The following ADGRG6 variants were observed in gnomAD, a reference collection of about 807,000 sequenced individuals.
The protein encoded by ADGRG6 is adhesion G protein-coupled receptor G6.
A neutral mutation model predicts 142.4 loss-of-function variants in ADGRG6; 84 were observed. The ratio of observed to expected loss-of-function variants is 0.59; its 90% CI spans 0.49 to 0.71. The LOEUF is 0.71. Among genes scored for constraint, ADGRG6 ranks in the 30% least tolerant of loss-of-function variants. The pLI is 0.00. For synonymous variants in ADGRG6, 521 were observed against 520.5 expected (o/e 1.00, Z -0.01); for missense variants, 1,367 against 1,466.6 (o/e 0.93, Z 1.11).
At chr6:142,369,542 A>G (rs1583047456) in intron 3 of ADGRG6, among the ~76,000 whole-genome samples, 1 of 152,060 alleles carries the variant, frequency 6.6e-6, no homozygotes, top group Admixed American at 6.6e-5. Flanking sequence ...CTACTCAAAA[A>G]CTGGCTTATA....
chr6:142,390,968 GT>G (rs1251400924), intron 7 of ADGRG6, among the ~76,000 whole-genome samples: 3 of 151,288 alleles, frequency 2.0e-5, no homozygotes, highest in African/African-American at 2.4e-5. Context: ...AGAACTACAT[GT>G]TTTTTTTGTT....
At chr6:142,350,153 A>G (rs966157593) in intron 2 of ADGRG6, among the ~76,000 whole-genome samples, 1 of 152,232 alleles carries the variant, frequency 6.6e-6, no homozygotes, top group Non-Finnish European at 1.5e-5. Context: ...TAAAGTGGTT[A>G]TAAGAATTTA....
At chr6:142,326,117 G>T (rs1778765123) in intron 2 of ADGRG6, among the ~76,000 whole-genome samples, 1 of 151,934 alleles carries the variant, frequency 6.6e-6, no homozygotes, top group Non-Finnish European at 1.5e-5. Context: ...AAAACTAGTA[G>T]ATAGTATGCA....
chr6:142,334,046 A>G (rs1159267259), intron 2 of ADGRG6, among the ~76,000 whole-genome samples: 2 of 152,192 alleles, frequency 1.3e-5, no homozygotes, highest in Non-Finnish European at 2.9e-5. Context: ...CTGAAGGAAG[A>G]AAGTCGGTTT....
intron 22 of ADGRG6, among the ~76,000 whole-genome samples, chr6:142,423,485 T>A (rs963481461): frequency 1.3e-5 from 2 of 151,420 alleles, no homozygotes; most frequent in African/African-American, 4.8e-5. Flanking sequence ...GTTGTAGATA[T>A]GTGGCGTTAT....
At chr6:142,334,311 A>G (rs984688181) in intron 2 of ADGRG6, among the ~76,000 whole-genome samples, 1 of 152,224 alleles carries the variant, frequency 6.6e-6, no homozygotes, top group African/African-American at 2.4e-5. Flanking sequence ...AGAAGGAAAA[A>G]CAAAACTACT....
chr6:142,412,365 C>T (rs532885305), intron 18 of ADGRG6, among the ~76,000 whole-genome samples: 428 of 152,224 alleles, frequency 2.8e-3, no homozygotes, highest in South Asian at 0.026. Context: ...GAATCACAGA[C>T]GTCAGGTTTT....
intron 2 of ADGRG6, 21 bp from the exon 3 acceptor site, chr6:142,367,548 T>G: frequency 6.3e-7 from 1 of 1,598,690 alleles, no homozygotes; most frequent in Non-Finnish European, 8.6e-7. Context: ...TCTCTCTGTC[T>G]CTCTTTTGTC....
At chr6:142,399,480 G>A (rs1775389140) in intron 10 of ADGRG6, among the ~76,000 whole-genome samples, 1 of 152,160 alleles carries the variant, frequency 6.6e-6, no homozygotes. Context: ...TCACAAAGAA[G>A]GAGTCTGACA....
intron 2 of ADGRG6, among the ~76,000 whole-genome samples, chr6:142,344,267 G>A (rs144572968): frequency 1.3e-5 from 2 of 151,976 alleles, no homozygotes; most frequent in Admixed American, 6.6e-5. Context: ...AGAAAACAAT[G>A]TCTAACAATG....
chr6:142,389,823 C>T (rs1448706616), intron 6 of ADGRG6, among the ~76,000 whole-genome samples: 1 of 151,762 alleles, frequency 6.6e-6, no homozygotes, highest in Non-Finnish European at 1.5e-5. Flanking sequence ...TCTGCTTTTT[C>T]AAGTTAATTC....
chr6:142,340,826 T>C (rs1191955284), intron 2 of ADGRG6, among the ~76,000 whole-genome samples: 2 of 152,144 alleles, frequency 1.3e-5, no homozygotes, highest in African/African-American at 4.8e-5. Flanking sequence ...TGTATGTTTC[T>C]GACGTTAAGG....
rs1198991404 is a variant in ADGRG6, at chr6:142,359,438, CT to C, written c.104-8130del. ...CTAAATCTTAAGTTACTTGAACAGT[CT>C]ATGCTGTCTTGTACCTGCTGACCTC... On this transcript the variant is annotated intron_variant, in intron 2 of 24. Transcript: ENST00000367609. 2.6e-5 allele frequency among the ~76,000 whole-genome samples: 4 copies of C among 152,120 alleles called. No homozygotes were observed. In the East Asian group the frequency reaches 7.7e-4, roughly 29 times the overall value.
At chr6:142,430,632 A>G (rs190059205) in intron 22 of ADGRG6, among the ~76,000 whole-genome samples, 2 of 152,340 alleles carry the variant, frequency 1.3e-5, no homozygotes, top group East Asian at 3.9e-4. Context: ...CCGAATAGTT[A>G]AATAGCTCTA....
chr6:142,326,622 G>A lies in ADGRG6; in HGVS notation c.103+16978G>A, dbSNP rs1778793728. ...TTTTGTTCTTATGTACCCCTTGACT[G>A]TTCATTGTTCTTTTAAATTAATGGT... On this transcript the variant is annotated intron_variant, in intron 2 of 24. Coordinates refer to ENST00000367609, the MANE Select transcript of ADGRG6 (RefSeq NM_198569.3). Among the ~76,000 whole-genome samples the A allele has an allele frequency of 3.3e-5, 5 of 151,516 alleles. No individual in the cohort carries two copies. In the South Asian group the frequency reaches 8.3e-4, roughly 25 times the overall value.
intron 2 of ADGRG6, among the ~76,000 whole-genome samples, chr6:142,315,856 TAA>T (rs1778031552): frequency 1.4e-5 from 2 of 144,260 alleles, no homozygotes; most frequent in Non-Finnish European, 3.0e-5. Flanking sequence ...AATAAATAAA[TAA>T]ATAAATAAAT....
At chr6:142,427,656 C>T (rs762167006) in intron 22 of ADGRG6, among the ~76,000 whole-genome samples, 28 of 152,006 alleles carry the variant, frequency 1.8e-4, no homozygotes, top group African/African-American at 3.4e-4. Flanking sequence ...TTTCACACTA[C>T]GGATAAACAC....
intron 10 of ADGRG6, 34 bp from the exon 11 acceptor site, chr6:142,400,451 A>T (rs1432700173): frequency 9.9e-7 from 1 of 1,009,416 alleles, no homozygotes; most frequent in Non-Finnish European, 1.6e-6. Flanking sequence ...AAAATAGGTG[A>T]ATATTTCTCA....
intron 2 of ADGRG6, among the ~76,000 whole-genome samples, chr6:142,348,928 C>A (rs1425906248): frequency 6.6e-6 from 1 of 151,586 alleles, no homozygotes; most frequent in African/African-American, 2.4e-5. Context: ...TTTTCTTGAT[C>A]TTATGGGAAT....
Sources: gnomAD v4.1 joint callset for allele counts (sites outside exome capture counted in the v4.1 genomes callset) on GRCh38, gnomAD v4.1.1 for gene constraint, MANE v1.5 for transcripts, NCBI Gene and HGNC (gene_info 2026-07-23, HGNC 2026-07-21) for gene names.